Variants in SLCO3A1 observed in about 807,000 individuals in gnomAD.
SLCO3A1 encodes the protein solute carrier organic anion transporter family member 3A1, also known as PGE1 transporter.
A neutral mutation model predicts 63.1 loss-of-function variants in SLCO3A1; 27 were observed. The ratio of observed to expected loss-of-function variants is 0.43; its 90% confidence interval spans 0.32 to 0.59. The LOEUF (loss-of-function observed/expected upper bound fraction) is 0.59. SLCO3A1 is among the 20% of genes least tolerant of loss of function. The probability of loss-of-function intolerance (pLI) is 0.09; values close to 1 mark genes in which losing one functional copy is unlikely to be tolerated. For missense variants in SLCO3A1, 773 were observed against 945.8 expected (o/e 0.82, Z 2.40); for synonymous variants, 473 against 409.9 (o/e 1.15, Z -1.86).
Position 91,915,945 on chromosome 15 carries a change from T to G in SLCO3A1, c.181-48T>G, listed in dbSNP as rs111895017. On this transcript the variant is annotated intron_variant, in intron 1 of 9. Coordinates refer to ENST00000318445, the MANE Select transcript of SLCO3A1 (RefSeq NM_013272.4). ...TGTCAGGCGGGAAGGAGAGGCTTCCTGGGCATCTTCTTGGATTGGCTCTGA... is the reference window on the plus strand; with the variant it reads ...TGTCAGGCGGGAAGGAGAGGCTTCCGGGGCATCTTCTTGGATTGGCTCTGA... 6.1e-5 allele frequency: 91 copies of G among 1,502,788 alleles called. No homozygotes were observed. The African/African-American group carries it at 1.0e-3, about 17-fold the overall frequency. The allele number at this position is 1,502,788 out of a possible 1,614,324, so 93.1% of individuals were successfully genotyped here. A position where few individuals can be genotyped will look rare whatever the true frequency, so the allele number is the denominator to read the frequency against.
intron 1 of SLCO3A1, among the ~76,000 whole-genome samples, chr15:91,899,596 C>A (rs1372811423): frequency 1.3e-5 from 2 of 152,070 alleles, no homozygotes; most frequent in Non-Finnish European, 2.9e-5. Context: ...TGTGCATTGT[C>A]TTTTTTCCAT....
intron 2 of SLCO3A1, among the ~76,000 whole-genome samples, chr15:92,059,708 G>A (rs904137942): frequency 6.6e-6 from 1 of 152,108 alleles, no homozygotes; most frequent in Non-Finnish European, 1.5e-5. Context: ...CGATGCAGGG[G>A]TCTCTACACT....
At chr15:92,063,150 C>T (rs11074038) in intron 2 of SLCO3A1, among the ~76,000 whole-genome samples, 117,544 of 152,178 alleles carry the variant, frequency 0.77, 45,677 homozygotes, top group Admixed American at 0.87. Context: ...GAACCAGATA[C>T]GCTCTGATGT....
At chr15:91,986,338 A>T in intron 2 of SLCO3A1, among the ~76,000 whole-genome samples, 1 of 152,070 alleles carries the variant, frequency 6.6e-6, no homozygotes, top group Non-Finnish European at 1.5e-5. Context: ...AAGATTAGGG[A>T]GATGGGGAAG....
chr15:91,930,282 A>G (rs1899180237), intron 2 of SLCO3A1, among the ~76,000 whole-genome samples: 1 of 152,132 alleles, frequency 6.6e-6, no homozygotes, highest in African/African-American at 2.4e-5. Context: ...GGACCACTGC[A>G]TCTACCTCTG....
intron 5 of SLCO3A1, among the ~76,000 whole-genome samples, chr15:92,122,849 A>C (rs752168757): frequency 6.6e-6 from 1 of 152,242 alleles, no homozygotes; most frequent in Non-Finnish European, 1.5e-5. Flanking sequence ...TACATGCCTC[A>C]ATGTGGTTGA....
rs565108519 is a variant in SLCO3A1, at chr15:92,160,362, T to G, written c.1754-2394T>G. On this transcript the variant is annotated intron_variant, in intron 9 of 9. Coordinates refer to ENST00000318445, the MANE Select transcript of SLCO3A1 (RefSeq NM_013272.4). The stretch of plus-strand genomic sequence containing the variant: ...ATTATGCGGTTGCCATGGCAGTTCC[T>G]CCAGTTGGCTCTTTCAACTGGAGTG... 7.2e-5 allele frequency among the ~76,000 whole-genome samples: 11 copies of G among 152,218 alleles called. No individual in the cohort carries two copies. The East Asian group carries it at 2.1e-3, about 30-fold the overall frequency.
At chr15:92,026,963 G>A (rs1033816596) in intron 2 of SLCO3A1, among the ~76,000 whole-genome samples, 3 of 152,080 alleles carry the variant, frequency 2.0e-5, no homozygotes, top group Non-Finnish European at 4.4e-5. Flanking sequence ...GGTGGTGCAC[G>A]CCTGTAATCC....
intron 7 of SLCO3A1, among the ~76,000 whole-genome samples, chr15:92,129,153 C>G (rs1342457809): frequency 1.3e-5 from 2 of 152,194 alleles, no homozygotes; most frequent in Non-Finnish European, 2.9e-5. Context: ...AGGCCCCGCC[C>G]CCATCTCTTG....
At chr15:91,910,881 G>T (rs1406537231) in intron 1 of SLCO3A1, among the ~76,000 whole-genome samples, 2 of 152,204 alleles carry the variant, frequency 1.3e-5, no homozygotes, top group African/African-American at 4.8e-5. Context: ...GCCAGTTCAG[G>T]CCAAGGCCCC....
In SLCO3A1 at chr15:92,150,952, C is replaced by T. The variant is rs1250075081; in HGVS notation, c.1691C>T (p.Thr564Ile). The change falls in exon 9 of 10, where the codon ACA becomes ATA. Residue 564 changes from threonine (T) to isoleucine (I), a missense_variant and splice_region_variant. By Grantham distance (89) the Thr-to-Ile change is moderately conservative (BLOSUM62 -1). This residue lies in a region of SLCO3A1 where 565 missense variants were observed against 749.8 expected (regional missense o/e 0.75). Coordinates refer to ENST00000318445, the MANE Select transcript of SLCO3A1 (RefSeq NM_013272.4). Reference protein sequence around the residue: ...QTPSVIILIRTVSPELKSYAL... With the variant: ...QTPSVIILIRIVSPELKSYAL... ...TCTCTTCATCTCTTTGCACGTAGGA[C>T]AGTCAGCCCTGAACTCAAGTCTTAC... 1 of 1,608,660 alleles carries T rather than the reference C, an allele frequency of 6.2e-7. No individual in the cohort carries two copies. The highest frequency in any genetic ancestry group is 1.7e-5 in the Admixed American group (1 of 59,158).
intron 2 of SLCO3A1, among the ~76,000 whole-genome samples, chr15:91,958,835 T>C (rs1597158297): frequency 6.6e-6 from 1 of 152,178 alleles, no homozygotes; most frequent in Admixed American, 6.5e-5. Context: ...TGTAAGTTAG[T>C]ACAGCCACTA....
At chr15:91,891,379 A>T (rs77864394) in intron 1 of SLCO3A1, among the ~76,000 whole-genome samples, 192 of 152,226 alleles carry the variant, frequency 1.3e-3, no homozygotes, top group African/African-American at 4.4e-3. Context: ...AGATAAAAAG[A>T]CCAATTCTCT....
chr15:92,165,912 TTC>T (rs1428862065), downstream of SLCO3A1: 1 of 984,578 alleles, frequency 1.0e-6, no homozygotes. Flanking sequence ...AATGCTAGAG[TTC>T]TCTCTCTTCT....
intron 2 of SLCO3A1, among the ~76,000 whole-genome samples, chr15:91,994,356 A>G (rs2046164668): frequency 1.3e-5 from 2 of 152,080 alleles, no homozygotes; most frequent in South Asian, 4.1e-4. Flanking sequence ...TTTACTTTTA[A>G]TTTTTATGGA....
intron 6 of SLCO3A1, 77 bp downstream of exon 6, chr15:92,126,336 A>C (rs2151566290): frequency 7.8e-7 from 1 of 1,287,132 alleles, no homozygotes; most frequent in East Asian, 2.3e-5. Flanking sequence ...AGGTTGAGGG[A>C]ACCAGCTTTG....
At chr15:91,861,097 T>C (rs1214727528) in intron 1 of SLCO3A1, among the ~76,000 whole-genome samples, 1 of 152,180 alleles carries the variant, frequency 6.6e-6, no homozygotes, top group Admixed American at 6.5e-5. Context: ...CAGTGTATGT[T>C]TTAGGTGAGT....
At chr15:92,096,527 G>T (rs2047540981) in intron 3 of SLCO3A1, among the ~76,000 whole-genome samples, 1 of 152,184 alleles carries the variant, frequency 6.6e-6, no homozygotes, top group African/African-American at 2.4e-5. Context: ...AGTTTAGCAT[G>T]CAGCAAAGCC....
chr15:91,880,411 G>C (rs538630823), intron 1 of SLCO3A1, among the ~76,000 whole-genome samples: 20 of 149,516 alleles, frequency 1.3e-4, no homozygotes, highest in South Asian at 4.2e-4. Flanking sequence ...CTCTCTCTCT[G>C]TGTGTGTGTG....
Sources: gnomAD v4.1 joint callset for allele counts (sites outside exome capture counted in the v4.1 genomes callset) on GRCh38, gnomAD v4.1.1 for gene constraint, gnomAD v4.1.1 regional missense constraint, MANE v1.5 for transcripts, NCBI Gene and HGNC (gene_info 2026-07-23, HGNC 2026-07-21) for gene names.